DLEU7: variants seen among roughly 807,000 people sequenced by gnomAD.
DLEU7 encodes the protein deleted in lymphocytic leukemia 7.
In DLEU7, 17 loss-of-function variants were observed where a neutral mutation model predicts 16.0. That is an observed-to-expected ratio of 1.06 (90% CI 0.73 to 1.59). The LOEUF is 1.59. Ranked by LOEUF, DLEU7 falls within the 40% of genes most tolerant of loss-of-function variation. The pLI is 0.00. For missense variants in DLEU7, 308 were observed against 314.9 expected (o/e 0.98, Z 0.17); for synonymous variants, 113 against 139.8 (o/e 0.81, Z 1.35).
Position 50,843,661 on chromosome 13 carries a change from GC to G in DLEU7, c.-16del. The stretch of plus-strand genomic sequence containing the variant: ...GGGCTGGCCATCGCCTCCGCTGGCG[GC>G]CCGGCGCGCTCCGCGTGCAGGTGGA... On this transcript the variant is annotated 5_prime_UTR_variant, in exon 1 of 2. Transcript: ENST00000504404. The surrounding 1 kb of genome is among the most constrained non-coding windows in gnomAD (Gnocchi z 5.7). 1 of 1,499,938 alleles carries G rather than the reference GC, an allele frequency of 6.7e-7. No individual in the cohort carries two copies. The highest frequency in any genetic ancestry group is 2.2e-5 in the Admixed American group (1 of 45,690). The allele number at this position is 1,499,938 out of a possible 1,614,324, so 92.9% of individuals were successfully genotyped here. A position where few individuals can be genotyped will look rare whatever the true frequency, so the allele number is the denominator to read the frequency against.
chr13:50,764,723 T>G (rs944214472), intron 1 of DLEU7, among the ~76,000 whole-genome samples: 5 of 152,196 alleles, frequency 3.3e-5, no homozygotes, highest in African/African-American at 1.2e-4. Context: ...TTCAGGGAAC[T>G]TGAGTCAAAT....
chr13:50,784,397 A>G (rs1875743229), intron 1 of DLEU7, among the ~76,000 whole-genome samples: 2 of 152,192 alleles, frequency 1.3e-5, no homozygotes, highest in Admixed American at 1.3e-4. Context: ...ATCTGCCTTA[A>G]CTTAGCTTGG....
intron 1 of DLEU7, among the ~76,000 whole-genome samples, chr13:50,760,311 C>T (rs1566241721): frequency 2.0e-5 from 3 of 152,120 alleles, no homozygotes; most frequent in Non-Finnish European, 4.4e-5. Flanking sequence ...ATTACACTTA[C>T]AAATATAAGT....
At chr13:50,727,674 G>T (rs1873804144) in intron 1 of DLEU7, among the ~76,000 whole-genome samples, 1 of 152,154 alleles carries the variant, frequency 6.6e-6, no homozygotes, top group African/African-American at 2.4e-5. Flanking sequence ...TGCTGTGTCT[G>T]TTGGTCTCAG....
chr13:50,729,081 A>T (rs760134923), intron 1 of DLEU7, among the ~76,000 whole-genome samples: 50 of 152,118 alleles, frequency 3.3e-4, no homozygotes, highest in Non-Finnish European at 5.1e-4. Context: ...TCACGTAGGT[A>T]CATTGGTTTC....
intron 1 of DLEU7, among the ~76,000 whole-genome samples, chr13:50,777,395 C>T (rs890171538): frequency 6.6e-6 from 1 of 152,198 alleles, no homozygotes; most frequent in Non-Finnish European, 1.5e-5. Flanking sequence ...AAAGGCTAGA[C>T]TGGCTTAGCC....
At chr13:50,839,515 C>A (rs527414733) in intron 1 of DLEU7, among the ~76,000 whole-genome samples, 1 of 152,228 alleles carries the variant, frequency 6.6e-6, no homozygotes, top group South Asian at 2.1e-4. Context: ...TGCCTCCATG[C>A]CTGCAGATTT....
chr13:50,734,811 A>G (rs1399761405), intron 1 of DLEU7, among the ~76,000 whole-genome samples: 2 of 152,198 alleles, frequency 1.3e-5, no homozygotes, highest in African/African-American at 2.4e-5. Context: ...ATATGCAACA[A>G]TGTCTAAAAT....
exon 2 of DLEU7, chr13:50,712,581 T>C (rs1873322302): frequency 6.5e-6 from 1 of 152,742 alleles, no homozygotes; most frequent in African/African-American, 2.4e-5. Context: ...TGGTGTTTAC[T>C]GGCAGCAACA....
chr13:50,772,614 A>G (rs1000517855), intron 1 of DLEU7, among the ~76,000 whole-genome samples: 1 of 152,140 alleles, frequency 6.6e-6, no homozygotes, highest in Non-Finnish European at 1.5e-5. Context: ...TCTGGCTTGT[A>G]GAGTTTCTGC....
At chr13:50,780,736 C>G (rs1470057691) in intron 1 of DLEU7, among the ~76,000 whole-genome samples, 1 of 152,114 alleles carries the variant, frequency 6.6e-6, no homozygotes. Flanking sequence ...AGGTACGGCA[C>G]AGGGCAGAGG....
At chr13:50,816,911 G>A (rs373068422) in intron 1 of DLEU7, among the ~76,000 whole-genome samples, 2 of 151,976 alleles carry the variant, frequency 1.3e-5, no homozygotes, top group Admixed American at 6.6e-5. Context: ...CACACACGGC[G>A]CCAAGCTTTG....
At chr13:50,771,989 T>G (rs1017392197) in intron 1 of DLEU7, among the ~76,000 whole-genome samples, 12 of 152,222 alleles carry the variant, frequency 7.9e-5, no homozygotes, top group African/African-American at 2.9e-4. Context: ...TAGCGCTTCT[T>G]GTTGAATTGA....
At chr13:50,811,754 G>A (rs1478847073) in intron 1 of DLEU7, among the ~76,000 whole-genome samples, 1 of 152,100 alleles carries the variant, frequency 6.6e-6, no homozygotes, top group Non-Finnish European at 1.5e-5. Context: ...TAGAAGAACT[G>A]GACTTGTCTT....
At chr13:50,808,403 TA>T (rs1876458475) in intron 1 of DLEU7, 1 of 152,196 alleles carries the variant, frequency 6.6e-6, no homozygotes, top group Non-Finnish European at 1.5e-5. Flanking sequence ...CATATTTAAG[TA>T]TATATACTTA....
intron 1 of DLEU7, among the ~76,000 whole-genome samples, chr13:50,805,866 TA>T (rs1455086729): frequency 3.3e-5 from 5 of 152,348 alleles, no homozygotes; most frequent in African/African-American, 1.2e-4. Flanking sequence ...GGAATATAGA[TA>T]TGCCCATTTG....
At chr13:50,740,118 C>T (rs1333065742) in intron 1 of DLEU7, among the ~76,000 whole-genome samples, 1 of 151,956 alleles carries the variant, frequency 6.6e-6, no homozygotes, top group Non-Finnish European at 1.5e-5. Context: ...AGCTTTATTC[C>T]AAAAAGGTGC....
intron 1 of DLEU7, among the ~76,000 whole-genome samples, chr13:50,802,314 A>G (rs780684967): frequency 1.3e-5 from 2 of 152,080 alleles, no homozygotes; most frequent in African/African-American, 2.4e-5. Context: ...GGTGAAAGAG[A>G]TTATGATTTG....
At chr13:50,732,440 G>T (rs1267974562) in intron 1 of DLEU7, among the ~76,000 whole-genome samples, 1 of 151,650 alleles carries the variant, frequency 6.6e-6, no homozygotes, top group Non-Finnish European at 1.5e-5. Flanking sequence ...GAAACCCCAT[G>T]TCTAATAAAA....
Sources: gnomAD v4.1 joint callset for allele counts (sites outside exome capture counted in the v4.1 genomes callset) on GRCh38, gnomAD v4.1.1 for gene constraint, Gnocchi (gnomAD v3.1) non-coding constraint, MANE v1.5 for transcripts, NCBI Gene and HGNC (gene_info 2026-07-23, HGNC 2026-07-21) for gene names.